KLC1: variants seen among roughly 807,000 people sequenced by gnomAD.
KLC1 encodes the protein kinesin 2 60/70kDa.
Under a neutral mutation model 84.2 loss-of-function variants are expected in KLC1, and 30 were observed. The ratio of observed to expected loss-of-function variants is 0.36; its 90% CI spans 0.27 to 0.48. The LOEUF is 0.48. KLC1 is among the 20% of genes least tolerant of loss of function. KLC1 has a pLI of 0.99. For missense variants in KLC1, 499 were observed against 805.4 expected (o/e 0.62, Z 4.60); for synonymous variants, 289 against 293.3 (o/e 0.99, Z 0.15).
intron 11 of KLC1, among the ~76,000 whole-genome samples, chr14:103,675,962 G>C (rs1462278499): frequency 6.6e-6 from 1 of 152,164 alleles, no homozygotes; most frequent in Non-Finnish European, 1.5e-5. Flanking sequence ...TGTTAGGTTG[G>C]TGCAAAGGTA....
At chr14:103,669,404 A>T in intron 5 of KLC1, 107 bp from the exon 6 acceptor site, 1 of 662,574 alleles carries the variant, frequency 1.5e-6, no homozygotes, top group Non-Finnish European at 2.6e-6. Flanking sequence ...ACTGCACTCC[A>T]ACCTGTGCAA....
At chr14:103,661,716 C>G (rs2151568988) in intron 3 of KLC1, among the ~76,000 whole-genome samples, 1 of 152,280 alleles carries the variant, frequency 6.6e-6, no homozygotes, top group East Asian at 1.9e-4. Context: ...GGTGAGGAAT[C>G]TAGCCCCTCC....
At chr14:103,631,288 G>C (rs551373543) in intron 1 of KLC1, among the ~76,000 whole-genome samples, 38 of 152,218 alleles carry the variant, frequency 2.5e-4, no homozygotes, top group African/African-American at 7.2e-4. Flanking sequence ...CAACATGTTA[G>C]CCAGGTTGGT....
rs920455412 is a variant in KLC1 at position 103,693,078 on chromosome 14, C to T, written c.1848+653C>T. Among the ~76,000 whole-genome samples, 8 of 152,206 alleles carry T rather than the reference C, an allele frequency of 5.3e-5. No homozygotes were observed. The highest frequency in any genetic ancestry group is 1.3e-4 in the Admixed American group (2 of 15,280). ...GTTTCTCAGGTGCCTGGGGCCCACC[C>T]GGCAGCTCGAGCTGTTGGGACTTGG... On this transcript the variant is annotated intron_variant, in intron 15 of 16. Coordinates refer to ENST00000334553, the MANE Select transcript of KLC1 (RefSeq NM_001394837.1). This position sits in a 1 kb window ranked among gnomAD's most constrained non-coding sequence, Gnocchi z 5.1.
chr14:103,638,549 CTG>C (rs1284421567), intron 1 of KLC1, among the ~76,000 whole-genome samples: 1 of 150,916 alleles, frequency 6.6e-6, no homozygotes, highest in African/African-American at 2.4e-5. Flanking sequence ...TTCTTCATCA[CTG>C]TAAGCTTTCC....
intron 1 of KLC1, among the ~76,000 whole-genome samples, chr14:103,641,416 A>G (rs72710755): frequency 0.021 from 3,218 of 152,156 alleles, 70 homozygotes; most frequent in Non-Finnish European, 0.03. Context: ...ACAAAGTACC[A>G]CAGGCTAGTG....
intron 1 of KLC1, among the ~76,000 whole-genome samples, chr14:103,638,881 G>A (rs995866309): frequency 2.0e-5 from 3 of 151,600 alleles, no homozygotes; most frequent in African/African-American, 7.3e-5. Context: ...AACATAGGGT[G>A]TATGTGTGTG....
intron 1 of KLC1, among the ~76,000 whole-genome samples, chr14:103,649,219 T>C (rs1189662976): frequency 6.6e-6 from 1 of 150,614 alleles, no homozygotes; most frequent in African/African-American, 2.4e-5. Flanking sequence ...ATTGCTTGAG[T>C]CTAGGAGTGC....
At chr14:103,671,017 A>ACT (rs1567028306) in intron 7 of KLC1, among the ~76,000 whole-genome samples, 1 of 152,152 alleles carries the variant, frequency 6.6e-6, no homozygotes, top group Non-Finnish European at 1.5e-5. Context: ...TATGGCCTAG[A>ACT]AGTGACTCTG....
intron 5 of KLC1, among the ~76,000 whole-genome samples, chr14:103,666,528 A>C (rs934295133): frequency 6.6e-6 from 1 of 151,918 alleles, no homozygotes; most frequent in Admixed American, 6.5e-5. Context: ...ACTGCTAACT[A>C]ATAGTCCCAG....
At chr14:103,692,189 C>T (rs556685835) in intron 14 of KLC1, among the ~76,000 whole-genome samples, 170 bp from the exon 15 acceptor site, 1 of 152,282 alleles carries the variant, frequency 6.6e-6, no homozygotes, top group Admixed American at 6.5e-5. Flanking sequence ...CTCCTGGGCA[C>T]TAAATAGAGT....
chr14:103,693,723 C>T lies in KLC1; in HGVS notation c.1848+1298C>T. ...GGCGCCAGCCGCACTCCTTGGCTTC[C>T]TTTCCTAGATAGTGACGTCCACCAA... On this transcript the variant is annotated intron_variant, in intron 15 of 16. Coordinates refer to ENST00000334553, the MANE Select transcript of KLC1 (RefSeq NM_001394837.1). This position sits in a 1 kb window ranked among gnomAD's most constrained non-coding sequence, Gnocchi z 5.1. The T allele has an allele frequency of 2.0e-6, 3 of 1,484,550 alleles. No individual in the cohort carries two copies. In the East Asian group the frequency reaches 7.6e-5, roughly 37 times the overall value. The allele number at this position is 1,484,550 out of a possible 1,614,324, so 92.0% of individuals were successfully genotyped here. A position where few individuals can be genotyped will look rare whatever the true frequency, so the allele number is the denominator to read the frequency against.
chr14:103,637,772 T>C (rs182021472), intron 1 of KLC1, among the ~76,000 whole-genome samples: 81 of 152,222 alleles, frequency 5.3e-4, no homozygotes, highest in African/African-American at 1.9e-3. Flanking sequence ...AGTGTCACAG[T>C]CGTGGCTCAG....
intron 5 of KLC1, among the ~76,000 whole-genome samples, chr14:103,669,051 T>G (rs939683023): frequency 2.0e-5 from 3 of 152,038 alleles, no homozygotes; most frequent in Non-Finnish European, 4.4e-5. Context: ...GTGCTGAGAT[T>G]ACAGGCATGA....
At chr14:103,680,274 A>AT (rs11294847) in intron 13 of KLC1, among the ~76,000 whole-genome samples, 2,200 of 140,112 alleles carry the variant, frequency 0.016, 55 homozygotes, top group African/African-American at 0.054. Context: ...TAGCACATGG[A>AT]TTTTTTTTTT....
At chr14:103,654,888 G>C in intron 2 of KLC1, 63 bp downstream of exon 2, 1 of 1,519,398 alleles carries the variant, frequency 6.6e-7, no homozygotes, top group Non-Finnish European at 8.9e-7. Context: ...AGACTTGTTT[G>C]AAATAAGCAG....
intron 14 of KLC1, among the ~76,000 whole-genome samples, chr14:103,689,356 CCA>C (rs2081959952): frequency 6.6e-6 from 1 of 152,110 alleles, no homozygotes; most frequent in Non-Finnish European, 1.5e-5. Context: ...TGACCAGTCC[CCA>C]GTGTTAGAAC....
intron 5 of KLC1, among the ~76,000 whole-genome samples, chr14:103,665,747 T>C (rs2151613852): frequency 6.6e-6 from 1 of 152,200 alleles, no homozygotes; most frequent in South Asian, 2.1e-4. Flanking sequence ...CATGTATTTC[T>C]TTTTTTAGGA....
rs1246149612 is a variant in KLC1, at chr14:103,694,112, T to A, written c.1848+1687T>A. 2 of 985,182 alleles carry A rather than the reference T, an allele frequency of 2.0e-6. No individual in the cohort carries two copies. Among genetic ancestry groups the A allele is most frequent in the African/African-American group, 3.5e-5 (2 of 57,258 alleles). 61.0% of individuals were successfully genotyped at this position (985,182 alleles called of 1,614,324 possible). On this transcript the variant is annotated intron_variant, in intron 15 of 16. Transcript: ENST00000334553. The surrounding 1 kb of genome is among the most constrained non-coding windows in gnomAD (Gnocchi z 4.5). Reference sequence around the variant, plus strand: ...CGGACACTGGTCAGTGGGAAGTGAATTCCTTCCCAGCTGGAGCATCTTCCG... The same window carrying A: ...CGGACACTGGTCAGTGGGAAGTGAAATCCTTCCCAGCTGGAGCATCTTCCG...
Sources: allele counts gnomAD v4.1 joint callset (sites outside exome capture counted in the v4.1 genomes callset), GRCh38; gene constraint gnomAD v4.1.1; non-coding constraint Gnocchi (gnomAD v3.1); transcripts MANE v1.5; gene names NCBI Gene and HGNC (gene_info 2026-07-23, HGNC 2026-07-21).